MEIKIN: variants seen among roughly 807,000 people sequenced by gnomAD.
MEIKIN encodes the protein meiosis-specific kinetochore protein.
At chr5:131,890,012 G>A (rs537732041) in intron 8 of MEIKIN, among the ~76,000 whole-genome samples, 18 of 152,248 alleles carry the variant, frequency 1.2e-4, no homozygotes, top group African/African-American at 2.4e-4. Flanking sequence ...GCTGGATTAC[G>A]TTTACTGATT....
intron 5 of MEIKIN, among the ~76,000 whole-genome samples, chr5:131,925,425 C>T (rs1337905038): frequency 6.6e-6 from 1 of 152,210 alleles, no homozygotes; most frequent in African/African-American, 2.4e-5. Flanking sequence ...GATGTGCATC[C>T]ATTTGCTTGC....
intron 6 of MEIKIN, among the ~76,000 whole-genome samples, chr5:131,917,935 C>A (rs986736439): frequency 3.3e-5 from 5 of 152,132 alleles, no homozygotes; most frequent in African/African-American, 4.8e-5. Flanking sequence ...ACAGTCACCT[C>A]ATTTTTTTTC....
intron 12 of MEIKIN, among the ~76,000 whole-genome samples, chr5:131,813,674 G>A (rs10054013): frequency 1.3e-4 from 20 of 152,044 alleles, no homozygotes; most frequent in Non-Finnish European, 2.4e-4. Context: ...TGATCCGCCC[G>A]CCTCAGCCTC....
chr5:131,913,429 TC>T, intron 7 of MEIKIN, among the ~76,000 whole-genome samples: 1 of 152,318 alleles, frequency 6.6e-6, no homozygotes, highest in Non-Finnish European at 1.5e-5. Flanking sequence ...CTTTAGACCT[TC>T]CGGGTATGAG....
intron 7 of MEIKIN, among the ~76,000 whole-genome samples, chr5:131,913,014 T>G (rs1310181884): frequency 6.6e-6 from 1 of 152,198 alleles, no homozygotes; most frequent in Non-Finnish European, 1.5e-5. Flanking sequence ...TTTCTCAATC[T>G]TGACTGATAT....
At position 131,828,509 on chromosome 5, in the gene MEIKIN, T is replaced by C. The variant is rs533392446; in HGVS notation, c.976-9646A>G. Among the ~76,000 whole-genome samples, 6 of 152,134 alleles carry C rather than the reference T, an allele frequency of 3.9e-5. 1 individual carries two copies. The East Asian group carries it at 9.7e-4, about 24-fold the overall frequency. Reference sequence around the variant, plus strand: ...AAAATTGAGGAAATCTTCCAGAGAATAGAACAAAATGACAAAAGGTTTTTA... The same window carrying C: ...AAAATTGAGGAAATCTTCCAGAGAACAGAACAAAATGACAAAAGGTTTTTA... On this transcript the variant is annotated intron_variant, in intron 11 of 12. Coordinates refer to ENST00000442687, the MANE Select transcript of MEIKIN (RefSeq NM_001303622.2).
chr5:131,935,171 C>T (rs1267454038), intron 4 of MEIKIN, among the ~76,000 whole-genome samples: 2 of 148,804 alleles, frequency 1.3e-5, no homozygotes, highest in Non-Finnish European at 3.0e-5. Flanking sequence ...TGGCTCATGC[C>T]TGTAATAACA....
At chr5:131,815,499 T>A (rs370443731) in intron 12 of MEIKIN, among the ~76,000 whole-genome samples, 1 of 152,226 alleles carries the variant, frequency 6.6e-6, no homozygotes, top group Non-Finnish European at 1.5e-5. Flanking sequence ...CCCCACTGGC[T>A]TAGAGGTCTT....
intron 4 of MEIKIN, among the ~76,000 whole-genome samples, chr5:131,940,098 G>C (rs746103442): frequency 6.6e-6 from 1 of 152,184 alleles, no homozygotes; most frequent in Non-Finnish European, 1.5e-5. Context: ...TTACACTGTG[G>C]TTTTAAGTCT....
chr5:131,904,159 A>G (rs1751207194), intron 8 of MEIKIN, among the ~76,000 whole-genome samples: 2 of 152,208 alleles, frequency 1.3e-5, no homozygotes, highest in Admixed American at 1.3e-4. Context: ...AGGAGCACCC[A>G]GATTCATAAA....
At chr5:131,938,070 A>T (rs1751811689) in intron 4 of MEIKIN, among the ~76,000 whole-genome samples, 1 of 152,024 alleles carries the variant, frequency 6.6e-6, no homozygotes, top group South Asian at 2.1e-4. Flanking sequence ...TTGAGATGTT[A>T]GAATCATTGG....
chr5:131,910,067 A>T (rs917615861), intron 8 of MEIKIN, among the ~76,000 whole-genome samples: 1 of 152,116 alleles, frequency 6.6e-6, no homozygotes, highest in Non-Finnish European at 1.5e-5. Flanking sequence ...CCTACTGCTG[A>T]GTATATACGC....
At chr5:131,831,073 T>C (rs563664587) in intron 11 of MEIKIN, among the ~76,000 whole-genome samples, 1 of 152,184 alleles carries the variant, frequency 6.6e-6, no homozygotes, top group East Asian at 1.9e-4. Context: ...AATTTTTGTA[T>C]TTTTAGAAGA....
intron 4 of MEIKIN, among the ~76,000 whole-genome samples, chr5:131,938,637 T>C (rs547274700): frequency 8.3e-4 from 127 of 152,356 alleles, no homozygotes; most frequent in African/African-American, 3.0e-3. Flanking sequence ...TCTGATTTCA[T>C]ATTTTTATTT....
intron 9 of MEIKIN, among the ~76,000 whole-genome samples, chr5:131,862,017 G>C (rs577346064): frequency 2.6e-5 from 4 of 152,190 alleles, no homozygotes; most frequent in South Asian, 4.2e-4. Context: ...ATAGTATGAG[G>C]AAGACTGGTA....
rs1216048224 is a variant in MEIKIN at position 131,888,851 on chromosome 5, A to T, written c.704-9803T>A. 2.0e-5 allele frequency among the ~76,000 whole-genome samples: 3 copies of T among 152,280 alleles called. No individual in the cohort carries two copies. The East Asian group carries it at 5.8e-4, about 29-fold the overall frequency. ...GGGTTTTTATGGCTTTAGGTCTAAC[A>T]TGTAAGTCTTTAATCCATCTTGAAT... On this transcript the variant is annotated intron_variant, in intron 8 of 12. Coordinates refer to ENST00000442687, the MANE Select transcript of MEIKIN (RefSeq NM_001303622.2).
rs539207573 is a variant in MEIKIN, at chr5:131,902,445, AAAG to A, written c.703+9367_703+9369del. ...GAGATCTTTCTCAATTTAAAAAAAA[AAAG>A]AAGAAGTTTCCTGTGGCCTCCCCAG... On this transcript the variant is annotated intron_variant, in intron 8 of 12. Transcript: ENST00000442687. Among the ~76,000 whole-genome samples, 998 of 151,878 alleles carry A rather than the reference AAAG, an allele frequency of 6.6e-3. 8 individuals are homozygous for A. Among genetic ancestry groups the A allele is most frequent in the African/African-American group, 0.022 (918 of 41,344 alleles).
At chr5:131,811,495 C>G (rs1396386891) in intron 12 of MEIKIN, among the ~76,000 whole-genome samples, 1 of 151,822 alleles carries the variant, frequency 6.6e-6, no homozygotes, top group Non-Finnish European at 1.5e-5. Flanking sequence ...TTAGTAGAGA[C>G]AGGGTTTCGC....
At chr5:131,910,073 T>C (rs185642707) in intron 8 of MEIKIN, among the ~76,000 whole-genome samples, 15 of 152,102 alleles carry the variant, frequency 9.9e-5, no homozygotes, top group Admixed American at 9.8e-4. Context: ...GCTGAGTATA[T>C]ACGCAAACAA....
Sources: gnomAD v4.1 joint callset for allele counts (sites outside exome capture counted in the v4.1 genomes callset) on GRCh38, gnomAD v4.1.1 for gene constraint, MANE v1.5 for transcripts, NCBI Gene and HGNC (gene_info 2026-07-23, HGNC 2026-07-21) for gene names.